The following PRUNE2 variants were observed in gnomAD, a reference collection of about 807,000 sequenced individuals.
The protein encoded by PRUNE2 is protein prune homolog 2.
Under a neutral mutation model 252.0 loss-of-function variants are expected in PRUNE2, and 164 were observed. The ratio of observed to expected loss-of-function variants is 0.65; its 90% CI spans 0.57 to 0.74. PRUNE2 has a LOEUF of 0.74. Among genes scored for constraint, PRUNE2 ranks in the 30% least tolerant of loss-of-function variants. PRUNE2 has a pLI of 0.00. For missense variants in PRUNE2, 3,495 were observed against 3,711.0 expected (o/e 0.94, Z 1.51); for synonymous variants, 1,292 against 1,350.2 (o/e 0.96, Z 0.94).
chr9:76,838,655 A>AC (rs2059207215), intron 4 of PRUNE2, among the ~76,000 whole-genome samples: 1 of 103,178 alleles, frequency 9.7e-6, no homozygotes, highest in Non-Finnish European at 1.8e-5. Context: ...CAAAAAAAAA[A>AC]AAAAAAAAAA....
intron 2 of PRUNE2, among the ~76,000 whole-genome samples, chr9:76,853,257 G>A (rs918415463): frequency 3.3e-5 from 5 of 152,152 alleles, no homozygotes; most frequent in Admixed American, 6.5e-5. Flanking sequence ...ACTAGCATTC[G>A]TGTGAATTTA....
chr9:76,724,305 A>G (rs1185759821), intron 6 of PRUNE2, among the ~76,000 whole-genome samples: 8 of 23,708 alleles, frequency 3.4e-4, no homozygotes, highest in Non-Finnish European at 1.3e-3. Context: ...TAGAAATACA[A>G]AAAAAAAAAA....
rs1368217438 is a variant in PRUNE2, at chr9:76,655,489, C to G, written c.8290G>C (p.Asp2764His). 1 of 1,612,356 alleles carries G rather than the reference C, an allele frequency of 6.2e-7. No individual in the cohort carries two copies. The highest frequency in any genetic ancestry group is 8.5e-7 in the Non-Finnish European group (1 of 1,179,216). ...TCAAAGGGGATGTCCATTCCTACAT[C>G]CTCTGACAGTAGTCTGCAAAAAAAG... is the stretch of plus-strand genomic sequence containing the variant. Reference protein sequence around the residue: ...ISRPNGLLSEDVGMDIPFEEG... With the variant: ...ISRPNGLLSEHVGMDIPFEEG... Residue 2764 changes from aspartate to histidine, a missense_variant, in exon 10 of 19, where the codon GAT becomes CAT. Coordinates refer to ENST00000376718, the MANE Select transcript of PRUNE2 (RefSeq NM_015225.3).
At chr9:76,792,252 T>C (rs78249320) in intron 6 of PRUNE2, among the ~76,000 whole-genome samples, 2,536 of 152,026 alleles carry the variant, frequency 0.017, 77 homozygotes, top group African/African-American at 0.058. Flanking sequence ...TAAAGGGGAG[T>C]TCCCTGCACA....
chr9:76,684,667 C>G (rs2043873404), intron 9 of PRUNE2, among the ~76,000 whole-genome samples: 1 of 152,226 alleles, frequency 6.6e-6, no homozygotes, highest in African/African-American at 2.4e-5. Context: ...CTTAGCCTTT[C>G]ACACCAGTTT....
At position 76,713,593 on chromosome 9, in the gene PRUNE2, C is replaced by G. The variant is rs1426294330; in HGVS notation, c.885G>C (p.Val295=). ...EEQQPRRQIA[V]YSENMELCSQ... is the part of the protein sequence containing the mutation. ...TGCACAGCTCCATGTTTTCTGAGTA[C>G]ACAGCAATCTGTCGTCTCGGCTGCT... Residue 295 remains valine, a synonymous_variant, in exon 7 of 19, where the codon GTG becomes GTC. Coordinates refer to ENST00000376718, the MANE Select transcript of PRUNE2 (RefSeq NM_015225.3). 1.9e-6 allele frequency: 3 copies of G among 1,610,002 alleles called. No individual in the cohort carries two copies. The highest frequency in any genetic ancestry group is 2.5e-6 in the Non-Finnish European group (3 of 1,178,164).
chr9:76,663,114 C>CA (rs910036476), intron 9 of PRUNE2, among the ~76,000 whole-genome samples: 1 of 152,154 alleles, frequency 6.6e-6, no homozygotes, highest in Non-Finnish European at 1.5e-5. Flanking sequence ...TCAAATTACT[C>CA]AAAGTAGGAG....
intron 15 of PRUNE2, among the ~76,000 whole-genome samples, chr9:76,632,393 A>G (rs956023097): frequency 7.2e-5 from 11 of 152,250 alleles, no homozygotes; most frequent in African/African-American, 2.7e-4. Flanking sequence ...AGAGGCTCCT[A>G]CATGATGAAA....
chr9:76,731,469 A>G (rs1436186415), intron 6 of PRUNE2, among the ~76,000 whole-genome samples: 1 of 151,744 alleles, frequency 6.6e-6, no homozygotes, highest in Admixed American at 6.6e-5. Context: ...CTGCAGGCAC[A>G]CACCACTATA....
At chr9:76,678,379 A>C (rs986565085) in intron 9 of PRUNE2, among the ~76,000 whole-genome samples, 2 of 146,404 alleles carry the variant, frequency 1.4e-5, no homozygotes, top group East Asian at 2.0e-4. Flanking sequence ...AAAAAAAAGG[A>C]AGGAGAAAGG....
chr9:76,744,882 A>G (rs1259889165), intron 6 of PRUNE2, among the ~76,000 whole-genome samples: 2 of 152,138 alleles, frequency 1.3e-5, no homozygotes, highest in Non-Finnish European at 2.9e-5. Flanking sequence ...ACACCACTCT[A>G]TGCCTCGATG....
rs192330552 is a variant in PRUNE2, at chr9:76,831,160, A to C, written c.509-4428T>G. On this transcript the variant is annotated intron_variant, in intron 4 of 18. Transcript: ENST00000376718. ...TAGCCAGCATGGTCTCGATCTCCTG[A>C]CCTTGTGATCCGCCCACCTCGGCCT... Among the ~76,000 whole-genome samples the C allele has an allele frequency of 7.2e-5, 11 of 152,134 alleles. No homozygotes were observed. In the East Asian group the frequency reaches 2.1e-3, roughly 29 times the overall value.
intron 6 of PRUNE2, among the ~76,000 whole-genome samples, chr9:76,757,991 T>TAAAA (rs1315281230): frequency 6.6e-6 from 1 of 152,244 alleles, no homozygotes; most frequent in Admixed American, 6.5e-5. Flanking sequence ...TCATTCCTTT[T>TAAAA]ATACTGATTT....
chr9:76,838,914 T>G (rs1366680103), intron 4 of PRUNE2, among the ~76,000 whole-genome samples: 3 of 152,188 alleles, frequency 2.0e-5, no homozygotes, highest in African/African-American at 7.2e-5. Flanking sequence ...TACACATGTT[T>G]TGCATTCTTT....
intron 9 of PRUNE2, among the ~76,000 whole-genome samples, chr9:76,701,701 G>A (rs1342395970): frequency 2.0e-5 from 3 of 152,134 alleles, no homozygotes; most frequent in East Asian, 1.9e-4. Flanking sequence ...CCTGGAATAT[G>A]GTAGAGCTTT....
At chr9:76,639,154 CT>C (rs1254408801) in intron 12 of PRUNE2, among the ~76,000 whole-genome samples, 2 of 152,150 alleles carry the variant, frequency 1.3e-5, no homozygotes, top group African/African-American at 4.8e-5. Flanking sequence ...TAGAGAACAT[CT>C]TACTAAACTG....
rs114493552 is a variant in PRUNE2, at chr9:76,750,693, G to A, written c.757-36972C>T. Among the ~76,000 whole-genome samples the A allele has an allele frequency of 5.5e-3, 844 of 152,310 alleles. 11 individuals are homozygous for A. The highest frequency in any genetic ancestry group is 0.02 in the African/African-American group (819 of 41,566). On this transcript the variant is annotated intron_variant, in intron 6 of 18. Coordinates refer to ENST00000376718, the MANE Select transcript of PRUNE2 (RefSeq NM_015225.3). ...TGCTATGCTCTGGGTAAGACAAAAG[G>A]AGGTACTGAACTAAGGCAGTCGCAG...
intron 6 of PRUNE2, among the ~76,000 whole-genome samples, chr9:76,719,271 CAAGAAT>C (rs1213427564): frequency 4.0e-5 from 6 of 151,580 alleles, no homozygotes; most frequent in African/African-American, 1.2e-4. Flanking sequence ...TTAATGTCCT[CAAGAAT>C]AAGAGTTAAT....
rs1469974380 is a variant in PRUNE2 at position 76,704,835 on chromosome 9, G to A, written c.7439C>T (p.Pro2480Leu). The change falls in exon 8 of 19, where the codon CCA becomes CTA. Residue 2480 changes from proline (P) to leucine (L), a missense_variant. By Grantham distance (98) the Pro-to-Leu change is moderately conservative (BLOSUM62 -3). Coordinates refer to ENST00000376718, the MANE Select transcript of PRUNE2 (RefSeq NM_015225.3). ...TTCTACTTCCCAGTCAACGTTTGATGGAGACAAAATGTTGGAGCCTGCTCC... is the reference window on the plus strand; with the variant it reads ...TTCTACTTCCCAGTCAACGTTTGATAGAGACAAAATGTTGGAGCCTGCTCC... ...PVGAGSNILS[P>L]SNVDWEVETD... The A allele has an allele frequency of 3.1e-6, 5 of 1,594,282 alleles. No individual in the cohort carries two copies. Among genetic ancestry groups the A allele is most frequent in the East Asian group, 2.3e-5 (1 of 44,310 alleles).
Sources: allele counts gnomAD v4.1 joint callset (sites outside exome capture counted in the v4.1 genomes callset), GRCh38; gene constraint gnomAD v4.1.1; transcripts MANE v1.5; gene names NCBI Gene and HGNC (gene_info 2026-07-23, HGNC 2026-07-21).